Variants in YAP1 observed in about 807,000 individuals in gnomAD.
The protein encoded by YAP1 is transcriptional coactivator YAP1.
YAP1 carries 5 observed loss-of-function variants against 56.9 expected under a neutral mutation model. The observed-to-expected ratio is 0.09, with a 90% confidence interval of 0.05 to 0.18. YAP1 has a LOEUF of 0.18. Ranked by LOEUF, YAP1 falls within the 10% of genes least tolerant of loss-of-function variation. YAP1 has a pLI of 1.00. For missense variants in YAP1, 539 were observed against 651.8 expected (o/e 0.83, Z 1.88); for synonymous variants, 265 against 248.1 (o/e 1.07, Z -0.64).
intron 3 of YAP1, among the ~76,000 whole-genome samples, chr11:102,169,458 A>G (rs1946783835): frequency 6.6e-6 from 1 of 152,168 alleles, no homozygotes. Context: ...TTATTATAAG[A>G]TGGAAATTGT....
At chr11:102,123,161 C>A (rs1943787996) in intron 2 of YAP1, among the ~76,000 whole-genome samples, 1 of 152,156 alleles carries the variant, frequency 6.6e-6, no homozygotes, top group Non-Finnish European at 1.5e-5. Context: ...TATGACAATT[C>A]ATGTTGTGCC....
chr11:102,127,599 C>T (rs1944111595), intron 2 of YAP1, among the ~76,000 whole-genome samples: 1 of 152,174 alleles, frequency 6.6e-6, no homozygotes, highest in Non-Finnish European at 1.5e-5. Flanking sequence ...AGAACCTCTG[C>T]TAGGGCAGTG....
At chr11:102,160,966 A>G (rs903808113) in intron 2 of YAP1, among the ~76,000 whole-genome samples, 6 of 151,612 alleles carry the variant, frequency 4.0e-5, no homozygotes, top group African/African-American at 1.5e-4. Context: ...TGCACAACTA[A>G]ATTTGTCTGC....
intron 2 of YAP1, among the ~76,000 whole-genome samples, chr11:102,155,367 G>A (rs1200100393): frequency 6.6e-6 from 1 of 152,134 alleles, no homozygotes; most frequent in Non-Finnish European, 1.5e-5. Flanking sequence ...ATTACGTATA[G>A]AATATGTAAC....
intron 3 of YAP1, among the ~76,000 whole-genome samples, chr11:102,172,422 A>G (rs1165376995): frequency 7.4e-5 from 10 of 135,930 alleles, no homozygotes; most frequent in Non-Finnish European, 1.4e-4. Flanking sequence ...AGTGATTCTC[A>G]TGCCTCAGCC....
chr11:102,177,360 G>T (rs991311973), intron 3 of YAP1, among the ~76,000 whole-genome samples: 1 of 152,176 alleles, frequency 6.6e-6, no homozygotes, highest in African/African-American at 2.4e-5. Context: ...TGATCATGTG[G>T]CTGTGGTACA....
At chr11:102,159,557 C>A (rs1946147361) in intron 2 of YAP1, among the ~76,000 whole-genome samples, 1 of 152,116 alleles carries the variant, frequency 6.6e-6, no homozygotes, top group African/African-American at 2.4e-5. Context: ...TATTCTTGGC[C>A]CATTCACCAT....
At position 102,233,215 on chromosome 11, in the gene YAP1, C is replaced by G. The variant is rs1267780243; in HGVS notation, c.*3275C>G. The G allele has an allele frequency of 6.6e-6, 1 of 152,176 alleles. No individual in the cohort carries two copies. The highest frequency in any genetic ancestry group is 2.4e-5 in the African/African-American group (1 of 41,446). The allele number at this position is 152,176 out of a possible 1,614,324, so 9.4% of individuals were successfully genotyped here. On this transcript the variant is annotated 3_prime_UTR_variant, in exon 9 of 9. Coordinates refer to ENST00000282441, the MANE Select transcript of YAP1 (RefSeq NM_001130145.3). ...CTGTATCTTGAAAAAGTATTCTCCA[C>G]ATTTTAAATGTTTTATATTAGAGAA...
intron 2 of YAP1, among the ~76,000 whole-genome samples, chr11:102,152,433 G>T (rs4754040): frequency 6.6e-6 from 1 of 152,058 alleles, no homozygotes; most frequent in Non-Finnish European, 1.5e-5. Context: ...CTGTAGATTC[G>T]CCTCGATTTG....
intron 6 of YAP1, 80 bp from the exon 7 acceptor site, chr11:102,223,542 A>C: frequency 2.0e-6 from 3 of 1,484,248 alleles, no homozygotes; most frequent in Admixed American, 2.2e-5. Flanking sequence ...GGTTACTCTG[A>C]TGAACGTTTT....
intron 3 of YAP1, among the ~76,000 whole-genome samples, chr11:102,184,423 G>A (rs1300651326): frequency 6.6e-6 from 1 of 152,294 alleles, no homozygotes; most frequent in African/African-American, 2.4e-5. Flanking sequence ...GTAAACTTGG[G>A]ATGTGTACAA....
intron 2 of YAP1, among the ~76,000 whole-genome samples, chr11:102,157,163 C>T (rs554663690): frequency 1.6e-4 from 24 of 152,112 alleles, no homozygotes; most frequent in East Asian, 1.9e-4. Flanking sequence ...GTGCAGAAAC[C>T]ATATTATCAT....
chr11:102,152,437 C>T (rs542309628), intron 2 of YAP1, among the ~76,000 whole-genome samples: 93 of 152,218 alleles, frequency 6.1e-4, no homozygotes, highest in African/African-American at 2.0e-3. Flanking sequence ...AGATTCGCCT[C>T]GATTTGAGAG....
chr11:102,179,676 C>A (rs992959431), intron 3 of YAP1, among the ~76,000 whole-genome samples: 1 of 152,032 alleles, frequency 6.6e-6, no homozygotes, highest in African/African-American at 2.4e-5. Flanking sequence ...TTTTCTTTCC[C>A]ATTTTTCATT....
intron 4 of YAP1, among the ~76,000 whole-genome samples, chr11:102,204,409 C>G (rs909374517): frequency 6.6e-6 from 1 of 151,920 alleles, no homozygotes; most frequent in African/African-American, 2.4e-5. Flanking sequence ...TAGATGACTA[C>G]GATATGACCC....
intron 2 of YAP1, among the ~76,000 whole-genome samples, chr11:102,118,617 G>T (rs1487234062): frequency 6.6e-6 from 1 of 151,616 alleles, no homozygotes; most frequent in Non-Finnish European, 1.5e-5. Context: ...CGGGTGTGTT[G>T]GCGCACACCT....
chr11:102,112,325 G>A (rs1012812369), intron 1 of YAP1: 1 of 856,704 alleles, frequency 1.2e-6, no homozygotes. Flanking sequence ...ATTCAGCATA[G>A]AAGTGAAACT....
intron 3 of YAP1, among the ~76,000 whole-genome samples, chr11:102,176,954 T>C (rs1947298722): frequency 6.6e-6 from 1 of 151,832 alleles, no homozygotes; most frequent in African/African-American, 2.4e-5. Context: ...GATAGAATCA[T>C]CTTACCAGAG....
chr11:102,164,034 A>ATT (rs570625635), intron 3 of YAP1, among the ~76,000 whole-genome samples: 38 of 142,918 alleles, frequency 2.7e-4, no homozygotes, highest in Non-Finnish European at 3.2e-4. Flanking sequence ...TTAAGTAAAA[A>ATT]TTTTTTTTTT....
Sources: gnomAD v4.1 joint callset for allele counts (sites outside exome capture counted in the v4.1 genomes callset) on GRCh38, gnomAD v4.1.1 for gene constraint, MANE v1.5 for transcripts, NCBI Gene and HGNC (gene_info 2026-07-23, HGNC 2026-07-21) for gene names.